CAMSAP1: variants seen among roughly 807,000 people sequenced by gnomAD.
CAMSAP1 encodes calmodulin regulated spectrin associated protein 1.
Under a neutral mutation model 143.5 loss-of-function variants are expected in CAMSAP1, and 58 were observed. The ratio of observed to expected loss-of-function variants is 0.40; its 90% CI spans 0.33 to 0.50. The LOEUF is 0.50. CAMSAP1 is among the 20% of genes least tolerant of loss of function. The pLI, the probability that CAMSAP1 is intolerant of heterozygous loss-of-function variation, is 0.45. For missense variants in CAMSAP1, 1,969 were observed against 2,115.7 expected (o/e 0.93, Z 1.36); for synonymous variants, 945 against 859.3 (o/e 1.10, Z -1.74).
Position 135,824,258 on chromosome 9 carries a change from G to A in CAMSAP1, c.1316-224C>T, listed in dbSNP as rs977889178. Among the ~76,000 whole-genome samples, 11 of 152,174 alleles carry A rather than the reference G, an allele frequency of 7.2e-5. No individual in the cohort carries two copies. The highest frequency in any genetic ancestry group is 2.7e-4 in the African/African-American group (11 of 41,436). The stretch of plus-strand genomic sequence containing the variant: ...AGCATGTGTGAGCCCTGCTTATGTC[G>A]CAGTTACTCTGTGTCTACTACACAG... On this transcript the variant is annotated intron_variant, in intron 9 of 16. Coordinates refer to ENST00000389532, the MANE Select transcript of CAMSAP1 (RefSeq NM_015447.4). The surrounding 1 kb of genome is among the most constrained non-coding windows in gnomAD (Gnocchi z 4.1).
chr9:135,815,754 GCTCT>G (rs971263940), intron 15 of CAMSAP1, 132 bp downstream of exon 15: 14 of 735,234 alleles, frequency 1.9e-5, no homozygotes, highest in Non-Finnish European at 3.1e-5. Context: ...GCTCAAATTA[GCTCT>G]CTTTCACTAC....
intron 3 of CAMSAP1, among the ~76,000 whole-genome samples, chr9:135,868,609 A>ATTTTTT (rs767495608): frequency 0.041 from 3,835 of 93,442 alleles, 399 homozygotes; most frequent in Non-Finnish European, 0.064. Flanking sequence ...GAGATTGGCA[A>ATTTTTT]TTTTTTTTTT....
Position 135,819,526 on chromosome 9 carries a change from CTG to C in CAMSAP1, c.3823-382_3823-381del, listed in dbSNP as rs759108247. ...CCAGCCTGCCCAACATGGCGAAACCCTGTCTCTATTAAAAATACAAAAATTGG... is the reference window on the plus strand; with the variant it reads ...CCAGCCTGCCCAACATGGCGAAACCCTCTCTATTAAAAATACAAAAATTGG... On this transcript the variant is annotated intron_variant, in intron 11 of 16. Coordinates refer to ENST00000389532, the MANE Select transcript of CAMSAP1 (RefSeq NM_015447.4). Among the ~76,000 whole-genome samples the C allele has an allele frequency of 6.2e-5, 9 of 146,066 alleles. No homozygotes were observed. The Admixed American group carries it at 6.2e-4, about 10-fold the overall frequency.
At chr9:135,873,127 A>G (rs1364643269) in intron 3 of CAMSAP1, among the ~76,000 whole-genome samples, 1 of 152,224 alleles carries the variant, frequency 6.6e-6, no homozygotes. Context: ...ATCACAGAGT[A>G]TGTTCCCTGA....
intron 1 of CAMSAP1, among the ~76,000 whole-genome samples, chr9:135,896,260 C>T (rs1351463658): frequency 1.3e-5 from 2 of 151,930 alleles, no homozygotes; most frequent in South Asian, 2.1e-4. Flanking sequence ...AGCAGAACTA[C>T]ATTAATAAAG....
chr9:135,871,030 A>G (rs1377731285), intron 3 of CAMSAP1, among the ~76,000 whole-genome samples: 2 of 152,200 alleles, frequency 1.3e-5, no homozygotes, highest in Non-Finnish European at 2.9e-5. Flanking sequence ...CCCCTCTTCC[A>G]ATTATATATC....
rs1337416928 is a variant in CAMSAP1, at chr9:135,865,449, C to T, written c.666+1007G>A. ...GTGGACGAGGTAACACACACTTCCC[C>T]ACGGCGTTTACACGGCAGAGGCGGG... On this transcript the variant is annotated intron_variant, in intron 4 of 16. Coordinates refer to ENST00000389532, the MANE Select transcript of CAMSAP1 (RefSeq NM_015447.4). 11 of 1,381,706 alleles carry T rather than the reference C, an allele frequency of 8.0e-6. No homozygotes were observed. In the East Asian group the frequency reaches 2.8e-4, roughly 35 times the overall value. The allele number at this position is 1,381,706 out of a possible 1,614,324, so 85.6% of individuals were successfully genotyped here. A position where few individuals can be genotyped will look rare whatever the true frequency, so the allele number is the denominator to read the frequency against.
chr9:135,835,989 A>G (rs1412351595), intron 7 of CAMSAP1, among the ~76,000 whole-genome samples: 2 of 152,182 alleles, frequency 1.3e-5, no homozygotes, highest in Non-Finnish European at 2.9e-5. Context: ...CAAAACAAAA[A>G]ACAAAAACAA....
At chr9:135,837,830 C>A (rs533469901) in intron 7 of CAMSAP1, among the ~76,000 whole-genome samples, 2 of 151,890 alleles carry the variant, frequency 1.3e-5, no homozygotes, top group Non-Finnish European at 2.9e-5. Context: ...TGTACAGACA[C>A]ACGTCATCAC....
chr9:135,817,951 G>T lies in CAMSAP1; in HGVS notation c.4271+26C>A, dbSNP rs761891357. 2.5e-6 allele frequency: 4 copies of T among 1,606,298 alleles called. No homozygotes were observed. In the South Asian group the frequency reaches 4.4e-5, roughly 18 times the overall value. On this transcript the variant is annotated intron_variant, in intron 14 of 16. Coordinates refer to ENST00000389532, the MANE Select transcript of CAMSAP1 (RefSeq NM_015447.4). Reference sequence around the variant, plus strand: ...CCCTCCGAACGTCCTCCAGCCCCGTGCCGGCGGCCGTCTCAGGCCCCTTAC... The same window carrying T: ...CCCTCCGAACGTCCTCCAGCCCCGTTCCGGCGGCCGTCTCAGGCCCCTTAC...
chr9:135,839,217 T>G (rs12345642), intron 7 of CAMSAP1, among the ~76,000 whole-genome samples: 4 of 152,020 alleles, frequency 2.6e-5, no homozygotes, highest in Admixed American at 2.6e-4. Flanking sequence ...TCCCTGCTGA[T>G]GCAGAGTGTA....
intron 3 of CAMSAP1, among the ~76,000 whole-genome samples, chr9:135,874,472 C>CAA (rs1451704738): frequency 2.3e-4 from 2 of 8,572 alleles, no homozygotes; most frequent in African/African-American, 5.9e-4. Context: ...GACCCTGTCT[C>CAA]AAAAAAGGGG....
intron 4 of CAMSAP1, among the ~76,000 whole-genome samples, chr9:135,864,556 A>C (rs1407379241): frequency 2.0e-5 from 3 of 152,182 alleles, no homozygotes; most frequent in Non-Finnish European, 4.4e-5. Context: ...ATCTCCATCC[A>C]AAAGTTCCCG....
At chr9:135,888,266 C>T (rs548213228) in intron 1 of CAMSAP1, among the ~76,000 whole-genome samples, 3 of 152,234 alleles carry the variant, frequency 2.0e-5, no homozygotes, top group African/African-American at 4.8e-5. Context: ...TTCCTTCCGT[C>T]GCTATTACTG....
intron 3 of CAMSAP1, among the ~76,000 whole-genome samples, chr9:135,875,184 T>C (rs926647847): frequency 6.6e-6 from 1 of 151,668 alleles, no homozygotes; most frequent in African/African-American, 2.4e-5. Flanking sequence ...AGGGTAGGCA[T>C]GCAAAGGACC....
chr9:135,818,387 G>T lies in CAMSAP1; in HGVS notation c.4168+21C>A, dbSNP rs1273159185. ...GCCCGCGGAAGGAAGCGCTGCCCGCGTGAGGGCCGGGGCTGCTTACGGGTG... is the reference window on the plus strand; with the variant it reads ...GCCCGCGGAAGGAAGCGCTGCCCGCTTGAGGGCCGGGGCTGCTTACGGGTG... On this transcript the variant is annotated intron_variant, in intron 13 of 16. Transcript: ENST00000389532. This position sits in a 1 kb window ranked among gnomAD's most constrained non-coding sequence, Gnocchi z 7.7. The T allele has an allele frequency of 3.9e-6, 6 of 1,545,400 alleles. No homozygotes were observed. The highest frequency in any genetic ancestry group is 1.2e-5 in the South Asian group (1 of 84,920).
At chr9:135,833,587 G>A (rs1259374021) in intron 7 of CAMSAP1, among the ~76,000 whole-genome samples, 1 of 152,198 alleles carries the variant, frequency 6.6e-6, no homozygotes, top group African/African-American at 2.4e-5. Context: ...AATAAATGTT[G>A]TTGGGAAAAC....
At chr9:135,878,824 T>G (rs2130975836) in intron 3 of CAMSAP1, among the ~76,000 whole-genome samples, 1 of 152,192 alleles carries the variant, frequency 6.6e-6, no homozygotes, top group South Asian at 2.1e-4. Flanking sequence ...GAAAGTCACA[T>G]AAGGAGAAAC....
chr9:135,865,014 A>G (rs1019693291), intron 4 of CAMSAP1, among the ~76,000 whole-genome samples: 6 of 152,206 alleles, frequency 3.9e-5, no homozygotes, highest in African/African-American at 1.2e-4. Flanking sequence ...ATACAGAGTA[A>G]CTTGGGCAAC....
Sources: allele counts gnomAD v4.1 joint callset (sites outside exome capture counted in the v4.1 genomes callset), GRCh38; gene constraint gnomAD v4.1.1; non-coding constraint Gnocchi (gnomAD v3.1); transcripts MANE v1.5; gene names NCBI Gene and HGNC (gene_info 2026-07-23, HGNC 2026-07-21).